Variants in CTSC observed in about 807,000 individuals in gnomAD.
The protein encoded by CTSC is cathepsin C.
In CTSC, 37 loss-of-function variants were observed where a neutral mutation model predicts 40.9. That is an observed-to-expected ratio of 0.91 (90% CI 0.70 to 1.19). The LOEUF (loss-of-function observed/expected upper bound fraction) is 1.19, where lower values mean the gene tolerates loss of function less well. Ranked by LOEUF, CTSC falls within the 50% of genes most tolerant of loss-of-function variation. The probability of loss-of-function intolerance (pLI) is 0.00; values close to 1 mark genes in which losing one functional copy is unlikely to be tolerated. For missense variants in CTSC, 594 were observed against 567.3 expected (o/e 1.05, Z -0.48); for synonymous variants, 232 against 207.4 (o/e 1.12, Z -1.02).
chr11:88,316,946 T>A (rs2134792381), intron 2 of CTSC, among the ~76,000 whole-genome samples: 1 of 152,182 alleles, frequency 6.6e-6, no homozygotes, highest in South Asian at 2.1e-4. Context: ...TAATTGCAAA[T>A]CCTTATATCT....
At chr11:88,333,358 T>C (rs1591245578) in intron 2 of CTSC, among the ~76,000 whole-genome samples, 2 of 152,370 alleles carry the variant, frequency 1.3e-5, no homozygotes, top group Non-Finnish European at 2.9e-5. Flanking sequence ...ACTTCATTCA[T>C]TCATTTTTTT....
chr11:88,313,485 C>T (rs1937812249), intron 2 of CTSC, among the ~76,000 whole-genome samples: 1 of 152,110 alleles, frequency 6.6e-6, no homozygotes, highest in South Asian at 2.1e-4. Context: ...GGCCTTTTGT[C>T]TTATTTCAGT....
chr11:88,295,884 A>G (rs985902886), intron 6 of CTSC, among the ~76,000 whole-genome samples: 3 of 152,206 alleles, frequency 2.0e-5, no homozygotes, highest in African/African-American at 7.2e-5. Flanking sequence ...AGTTTTGAGC[A>G]TTGTTAGGCA....
intron 4 of CTSC, among the ~76,000 whole-genome samples, chr11:88,302,617 C>T (rs11019244): frequency 1.0e-5 from 1 of 96,132 alleles, no homozygotes; most frequent in Non-Finnish European, 1.9e-5. Flanking sequence ...CAGAGCAAGA[C>T]TCCGCCTCAA....
intron 2 of CTSC, among the ~76,000 whole-genome samples, chr11:88,316,083 G>A (rs1937871338): frequency 6.6e-6 from 1 of 151,724 alleles, no homozygotes; most frequent in Admixed American, 6.6e-5. Context: ...CCTTTAAAGG[G>A]CTGCCTAAAA....
intron 4 of CTSC, among the ~76,000 whole-genome samples, chr11:88,302,585 C>G (rs188543810): frequency 1.7e-4 from 23 of 134,390 alleles, no homozygotes; most frequent in African/African-American, 6.6e-4. Flanking sequence ...GAGATTGCAC[C>G]ACTGCACTCC....
In CTSC at chr11:88,294,226, G is replaced by C. The variant is rs1324949386; in HGVS notation, c.1172C>G (p.Thr391Ser). The C allele has an allele frequency of 1.2e-6, 2 of 1,613,930 alleles. No individual in the cohort carries two copies. Among genetic ancestry groups the C allele is most frequent in the Admixed American group, 1.7e-5 (1 of 59,966 alleles). Residue 391 changes from threonine (T) to serine (S), a missense_variant, in exon 7 of 7, where the codon ACT becomes AGT. Coordinates refer to ENST00000227266, the MANE Select transcript of CTSC (RefSeq NM_001814.6). ...GGGGTTGAAAGGGTCTCTTAGACCA[G>C]TGTGGTGGTAGATCCCCTTTTTGTA... ...LHYKKGIYHH[T>S]GLRDPFNPFE...
At chr11:88,306,282 T>C (rs1937631054) in intron 4 of CTSC, among the ~76,000 whole-genome samples, 6 of 152,114 alleles carry the variant, frequency 3.9e-5, no homozygotes. Context: ...AAGTTAGTAA[T>C]GTTGATATGG....
In CTSC at chr11:88,301,810, G is replaced by GCA. The variant is rs71046248; in HGVS notation, c.642-1167_642-1166dup. On this transcript the variant is annotated intron_variant, in intron 4 of 6. Transcript: ENST00000227266. ...TGCACACACACACAAACACACGCGCGCACACACACACACACACACACACAC... is the reference window on the plus strand; with the variant it reads ...TGCACACACACACAAACACACGCGCGCACACACACACACACACACACACACAC... 9.0e-3 allele frequency among the ~76,000 whole-genome samples: 1,062 copies of GCA among 118,288 alleles called. 3 individuals carry two copies. The highest frequency in any genetic ancestry group is 0.019 in the South Asian group (79 of 4,160). The allele number at this position is 118,288 out of a possible 152,430, so 77.6% of individuals were successfully genotyped here. A position where few individuals can be genotyped will look rare whatever the true frequency, so the allele number is the denominator to read the frequency against.
At chr11:88,306,701 G>T (rs986586613) in intron 4 of CTSC, among the ~76,000 whole-genome samples, 1 of 152,204 alleles carries the variant, frequency 6.6e-6, no homozygotes, top group Non-Finnish European at 1.5e-5. Context: ...AAAACCTTGT[G>T]CTCATCCTTC....
At chr11:88,299,681 T>A (rs1414010258) in intron 5 of CTSC, 1 of 152,130 alleles carries the variant, frequency 6.6e-6, no homozygotes, top group Admixed American at 6.5e-5. Context: ...AAATTTATAA[T>A]CCTCCCAGGA....
intron 4 of CTSC, among the ~76,000 whole-genome samples, chr11:88,308,017 T>C (rs1314543637): frequency 6.6e-6 from 1 of 152,194 alleles, no homozygotes; most frequent in Non-Finnish European, 1.5e-5. Context: ...ACTAGAAGCA[T>C]TTCATAAAAC....
chr11:88,300,132 T>G (rs948489354), intron 5 of CTSC, among the ~76,000 whole-genome samples: 3 of 152,130 alleles, frequency 2.0e-5, no homozygotes, highest in Admixed American at 2.0e-4. Context: ...AATGACTAAA[T>G]TAATGGGGGT....
At chr11:88,305,533 G>A (rs1284001373) in intron 4 of CTSC, among the ~76,000 whole-genome samples, 1 of 152,194 alleles carries the variant, frequency 6.6e-6, no homozygotes, top group African/African-American at 2.4e-5. Flanking sequence ...ATTCAGAAAT[G>A]CTCATAAACA....
chr11:88,336,098 G>A (rs972915289), intron 1 of CTSC, among the ~76,000 whole-genome samples: 1 of 152,116 alleles, frequency 6.6e-6, no homozygotes, highest in Non-Finnish European at 1.5e-5. Flanking sequence ...TCCTGAAAAT[G>A]ATTCAGCTGT....
At chr11:88,309,603 A>G (rs999340553) in intron 3 of CTSC, among the ~76,000 whole-genome samples, 2 of 152,148 alleles carry the variant, frequency 1.3e-5, no homozygotes, top group African/African-American at 4.8e-5. Flanking sequence ...GGACTGATTA[A>G]TGATGTTTCA....
intron 2 of CTSC, chr11:88,320,872 T>C: frequency 2.4e-6 from 2 of 830,544 alleles, no homozygotes; most frequent in Non-Finnish European, 2.9e-6. Flanking sequence ...TGGTCATATA[T>C]CGTGTAATAC....
At chr11:88,316,077 T>C (rs1229278346) in intron 2 of CTSC, among the ~76,000 whole-genome samples, 1 of 152,172 alleles carries the variant, frequency 6.6e-6, no homozygotes, top group African/African-American at 2.4e-5. Context: ...CCAAGGCCTT[T>C]AAAGGGCTGC....
intron 2 of CTSC, chr11:88,323,504 C>G (rs910633452): frequency 6.6e-6 from 1 of 152,016 alleles, no homozygotes; most frequent in Non-Finnish European, 1.5e-5. Context: ...ATAACATGAT[C>G]CTATATCTAG....
Sources: gnomAD v4.1 joint callset for allele counts (sites outside exome capture counted in the v4.1 genomes callset) on GRCh38, gnomAD v4.1.1 for gene constraint, MANE v1.5 for transcripts, NCBI Gene and HGNC (gene_info 2026-07-23, HGNC 2026-07-21) for gene names.